BAZ2B: variants seen among roughly 807,000 people sequenced by gnomAD.
The protein encoded by BAZ2B is bromodomain adjacent to zinc finger domain 2B.
In BAZ2B, 91 loss-of-function variants were observed where a neutral mutation model predicts 246.0. The observed-to-expected ratio is 0.37, with a 90% CI of 0.31 to 0.44. BAZ2B has a LOEUF of 0.44. Among genes scored for constraint, BAZ2B ranks in the 20% least tolerant of loss-of-function variants. The probability of loss-of-function intolerance (pLI) is 1.00; values close to 1 mark genes in which losing one functional copy is unlikely to be tolerated. For synonymous variants in BAZ2B, 855 were observed against 860.0 expected (o/e 0.99, Z 0.10); for missense variants, 2,332 against 2,533.7 (o/e 0.92, Z 1.71).
chr2:159,512,286 A>C (rs1023336643), intron 2 of BAZ2B, among the ~76,000 whole-genome samples: 3 of 152,196 alleles, frequency 2.0e-5, no homozygotes, highest in African/African-American at 7.2e-5. Context: ...TTCACATGAA[A>C]TAACTTCTAT....
At chr2:159,400,693 TAATAA>T in intron 16 of BAZ2B, 29 bp from the exon 17 acceptor site, 11 of 1,266,132 alleles carry the variant, frequency 8.7e-6, no homozygotes, top group Admixed American at 2.0e-5. Context: ...TAACTTGAGA[TAATAA>T]AATAAACTAT....
chr2:159,691,610 T>C, the BAZ2B span, among the ~76,000 whole-genome samples: 30 of 152,302 alleles, frequency 2.0e-4, no homozygotes, highest in East Asian at 5.6e-3. Context: ...CAATCTATAG[T>C]ACATCTCAAG....
In BAZ2B at chr2:159,429,183, A is replaced by G; in HGVS notation, c.2255+17T>C. The G allele has an allele frequency of 6.6e-7, 1 of 1,504,570 alleles. No homozygotes were observed. The highest frequency in any genetic ancestry group is 8.9e-7 in the Non-Finnish European group (1 of 1,118,818). 93.2% of individuals were successfully genotyped at this position (1,504,570 alleles called of 1,614,324 possible). A position where few individuals can be genotyped will look rare whatever the true frequency, so the allele number is the denominator to read the frequency against. ...TATATGGGGGAAAAAGAAAAAGGAA[A>G]ACCTTATTTTGCATACCCATATTCC... On this transcript the variant is annotated intron_variant, in intron 11 of 36. Coordinates refer to ENST00000392783, the MANE Select transcript of BAZ2B (RefSeq NM_013450.4).
At chr2:159,651,215 G>A in the BAZ2B span, among the ~76,000 whole-genome samples, 3 of 152,060 alleles carry the variant, frequency 2.0e-5, no homozygotes, top group African/African-American at 7.2e-5. Flanking sequence ...AAATGGGTTG[G>A]TACAGTATTA....
chr2:159,614,384 T>C (rs1695402379), intron 1 of BAZ2B, among the ~76,000 whole-genome samples: 1 of 152,206 alleles, frequency 6.6e-6, no homozygotes, highest in South Asian at 2.1e-4. Flanking sequence ...TAATATCTGC[T>C]ACTAAATTTT....
chr2:159,360,404 GAAGGACCTCTTCAA>G (rs1366362744), intron 27 of BAZ2B, among the ~76,000 whole-genome samples: 1 of 152,148 alleles, frequency 6.6e-6, no homozygotes. Context: ...CAAGGGATGT[GAAGGACCTCTTCAA>G]GGAGAACTAT....
At chr2:159,569,647 C>T (rs918606332) in intron 1 of BAZ2B, among the ~76,000 whole-genome samples, 29 of 152,004 alleles carry the variant, frequency 1.9e-4, no homozygotes, top group Admixed American at 1.8e-3. Context: ...ACTTTTCTAA[C>T]ATTTTTCTTG....
the BAZ2B span, among the ~76,000 whole-genome samples, chr2:159,648,674 T>C: frequency 6.6e-6 from 1 of 152,242 alleles, no homozygotes; most frequent in Admixed American, 6.5e-5. Flanking sequence ...TATTGCTAAA[T>C]TGTATTTCAT....
chr2:159,420,525 GT>G (rs1205104073), intron 13 of BAZ2B, among the ~76,000 whole-genome samples: 1 of 151,976 alleles, frequency 6.6e-6, no homozygotes, highest in Non-Finnish European at 1.5e-5. Context: ...TACTCTAATG[GT>G]TCTAAACCTC....
At chr2:159,401,266 A>G (rs548879467) in intron 16 of BAZ2B, among the ~76,000 whole-genome samples, 1 of 152,354 alleles carries the variant, frequency 6.6e-6, no homozygotes, top group East Asian at 1.9e-4. Flanking sequence ...GTTACAAATA[A>G]TACTTAACTT....
chr2:159,455,762 G>GTTTTTTTTTTTTTT (rs759816186), intron 3 of BAZ2B, among the ~76,000 whole-genome samples: 1 of 97,124 alleles, frequency 1.0e-5, no homozygotes, highest in Non-Finnish European at 2.2e-5. Flanking sequence ...GAAATATTGT[G>GTTTTTTTTTTTTTT]GTTTTTTTTT....
At chr2:159,672,703 A>C in the BAZ2B span, among the ~76,000 whole-genome samples, 1 of 152,192 alleles carries the variant, frequency 6.6e-6, no homozygotes, top group African/African-American at 2.4e-5. Context: ...CTAAAAACTG[A>C]CAAGTATAGA....
intron 33 of BAZ2B, among the ~76,000 whole-genome samples, chr2:159,333,675 C>A (rs538028372): frequency 4.6e-5 from 7 of 152,114 alleles, no homozygotes; most frequent in African/African-American, 1.4e-4. Context: ...GGTATTTATA[C>A]GCTCTTAAAA....
chr2:159,479,722 T>A (rs2079031460), intron 2 of BAZ2B, among the ~76,000 whole-genome samples: 1 of 152,198 alleles, frequency 6.6e-6, no homozygotes, highest in African/African-American at 2.4e-5. Flanking sequence ...AGTGTTTGCC[T>A]AATTGTTGAT....
At chr2:159,687,741 A>AC in the BAZ2B span, among the ~76,000 whole-genome samples, 1 of 152,342 alleles carries the variant, frequency 6.6e-6, no homozygotes, top group East Asian at 1.9e-4. Context: ...GGGAACTCCC[A>AC]ATTTGTAGTC....
At chr2:159,582,183 T>C (rs1302772463) in intron 1 of BAZ2B, among the ~76,000 whole-genome samples, 1 of 152,186 alleles carries the variant, frequency 6.6e-6, no homozygotes, top group Non-Finnish European at 1.5e-5. Context: ...AGAATGCATA[T>C]TTAATTAGAT....
the BAZ2B span, among the ~76,000 whole-genome samples, chr2:159,688,930 T>C: frequency 6.6e-6 from 1 of 152,238 alleles, no homozygotes; most frequent in African/African-American, 2.4e-5. Flanking sequence ...AGTGTTAACT[T>C]TCACAACTTG....
Position 159,324,693 on chromosome 2 carries a change from C to T in BAZ2B, c.6353+118G>A, listed in dbSNP as rs530025864. 1.2e-3 allele frequency: 410 copies of T among 353,674 alleles called. 4 individuals carry two copies. The highest frequency in any genetic ancestry group is 9.5e-3 in the African/African-American group (390 of 41,176). 21.9% of individuals were successfully genotyped at this position (353,674 alleles called of 1,614,324 possible). ...ACACACACACACACACACACACCTG[C>T]CTCAAAGGCAGGGCCTATATCTTGC... On this transcript the variant is annotated intron_variant, in intron 36 of 36. Transcript: ENST00000392783.
the BAZ2B span, among the ~76,000 whole-genome samples, chr2:159,635,619 T>C: frequency 6.6e-6 from 1 of 151,956 alleles, no homozygotes; most frequent in Non-Finnish European, 1.5e-5. Flanking sequence ...TTTTTTTTTT[T>C]CTTGTCTGGT....
Sources: gnomAD v4.1 joint callset for allele counts (sites outside exome capture counted in the v4.1 genomes callset) on GRCh38, gnomAD v4.1.1 for gene constraint, MANE v1.5 for transcripts, NCBI Gene and HGNC (gene_info 2026-07-23, HGNC 2026-07-21) for gene names.